The following TXNDC16 variants were observed in gnomAD, a reference collection of about 807,000 sequenced individuals.
The protein encoded by TXNDC16 is thioredoxin domain containing 16.
TXNDC16 carries 74 observed loss-of-function variants against 85.6 expected under a neutral mutation model. The ratio of observed to expected loss-of-function variants is 0.86; its 90% CI spans 0.72 to 1.05. The LOEUF is 1.05. Ranked by LOEUF, TXNDC16 falls within the 50% of genes least tolerant of loss-of-function variation. The pLI is 0.00. For synonymous variants in TXNDC16, 335 were observed against 326.5 expected, an observed-to-expected ratio of 1.03 and a Z score of -0.28; for missense variants, 959 against 947.0, an observed-to-expected ratio of 1.01 and a Z score of -0.17.
At chr14:52,551,986 ATAC>A (rs2038062577) in intron 1 of TXNDC16, among the ~76,000 whole-genome samples, 1 of 152,142 alleles carries the variant, frequency 6.6e-6, no homozygotes, top group African/African-American at 2.4e-5. Context: ...CATCCATCTG[ATAC>A]TACTACTACT....
At chr14:52,547,525 G>GTGT (rs923096312) in intron 1 of TXNDC16, among the ~76,000 whole-genome samples, 5 of 152,170 alleles carry the variant, frequency 3.3e-5, no homozygotes, top group African/African-American at 4.8e-5. Context: ...TGTGTTAGGA[G>GTGT]TGTTGTTGTT....
At chr14:52,477,490 G>A (rs2036045129) in intron 14 of TXNDC16, among the ~76,000 whole-genome samples, 1 of 152,096 alleles carries the variant, frequency 6.6e-6, no homozygotes, top group Non-Finnish European at 1.5e-5. Flanking sequence ...GACATTCCAT[G>A]CAAATGGACA....
intron 12 of TXNDC16, among the ~76,000 whole-genome samples, chr14:52,486,316 C>A (rs973414273): frequency 1.4e-5 from 2 of 139,102 alleles, no homozygotes; most frequent in Non-Finnish European, 3.1e-5. Flanking sequence ...CAGGGTCTCA[C>A]TCTGTTGCCC....
intron 18 of TXNDC16, among the ~76,000 whole-genome samples, chr14:52,446,076 C>T (rs1313939000): frequency 6.6e-6 from 1 of 152,184 alleles, no homozygotes; most frequent in Non-Finnish European, 1.5e-5. Flanking sequence ...CAACTATCTA[C>T]ACAAAAAAGC....
intron 18 of TXNDC16, among the ~76,000 whole-genome samples, chr14:52,450,074 G>A (rs1322922211): frequency 6.6e-6 from 1 of 151,750 alleles, no homozygotes; most frequent in Non-Finnish European, 1.5e-5. Flanking sequence ...CAGAAGAAAA[G>A]AAATAATAAA....
intron 18 of TXNDC16, among the ~76,000 whole-genome samples, chr14:52,451,930 T>C (rs188852099): frequency 2.0e-5 from 3 of 152,238 alleles, no homozygotes; most frequent in South Asian, 2.1e-4. Flanking sequence ...AATCCTATAT[T>C]TGGAAAAACT....
chr14:52,464,209 T>G (rs2035718868), intron 16 of TXNDC16, among the ~76,000 whole-genome samples: 1 of 152,258 alleles, frequency 6.6e-6, no homozygotes, highest in African/African-American at 2.4e-5. Flanking sequence ...AAAAGTTTTC[T>G]CTGTGGATTA....
intron 14 of TXNDC16, among the ~76,000 whole-genome samples, chr14:52,474,483 C>T (rs2035976583): frequency 6.6e-6 from 1 of 152,214 alleles, no homozygotes; most frequent in Non-Finnish European, 1.5e-5. Flanking sequence ...TGGCTCATGC[C>T]TATATTCCCA....
intron 6 of TXNDC16, among the ~76,000 whole-genome samples, chr14:52,528,861 A>ATATAATACCTATTATATATATTATC (rs1297813518): frequency 2.5e-4 from 37 of 145,658 alleles, no homozygotes; most frequent in Non-Finnish European, 4.2e-4. Flanking sequence ...GTGTGTATAT[A>ATATAATACCTATTATATATATTATC]TATAATACCT....
intron 18 of TXNDC16, 93 bp from the exon 19 acceptor site, chr14:52,440,817 T>C: frequency 8.2e-7 from 1 of 1,220,108 alleles, no homozygotes; most frequent in Non-Finnish European, 1.1e-6. Flanking sequence ...TCAATTTTAG[T>C]TTGTAAAATG....
intron 6 of TXNDC16, among the ~76,000 whole-genome samples, chr14:52,536,096 T>C (rs2037694540): frequency 6.6e-6 from 1 of 151,974 alleles, no homozygotes; most frequent in South Asian, 2.1e-4. Flanking sequence ...AATGTTTATG[T>C]CTCCCCAAAA....
chr14:52,530,537 TATA>T lies in TXNDC16; in HGVS notation c.392+6179_392+6181del, dbSNP rs1201947262. Among the ~76,000 whole-genome samples the T allele has an allele frequency of 1.7e-4, 2 of 11,978 alleles. 1 individual carries two copies. The highest frequency in any genetic ancestry group is 2.5e-4 in the Non-Finnish European group (2 of 7,976). 7.9% of individuals were successfully genotyped at this position (11,978 alleles called of 152,430 possible). ...TATTATATAATATTATATATAATAA[TATA>T]ATATATAATTATATAATATTATATA... On this transcript the variant is annotated intron_variant, in intron 6 of 20. Coordinates refer to ENST00000281741, the MANE Select transcript of TXNDC16 (RefSeq NM_020784.3).
rs2036953004 is a variant in TXNDC16, at chr14:52,511,435, T to C, written c.606-45A>G. On this transcript the variant is annotated intron_variant, in intron 8 of 20. Coordinates refer to ENST00000281741, the MANE Select transcript of TXNDC16 (RefSeq NM_020784.3). ...TAACTTAATGAAGTTCAATATGTGA[T>C]CCTTCTACCATCCAATAAGCTGTAA... 3 of 1,293,884 alleles carry C rather than the reference T, an allele frequency of 2.3e-6. No individual in the cohort carries two copies. In the Admixed American group the frequency reaches 6.2e-5, roughly 27 times the overall value. The allele number at this position is 1,293,884 out of a possible 1,614,324, so 80.2% of individuals were successfully genotyped here. A position where few individuals can be genotyped will look rare whatever the true frequency, so the allele number is the denominator to read the frequency against.
intron 16 of TXNDC16, among the ~76,000 whole-genome samples, chr14:52,466,849 A>T (rs943301949): frequency 6.6e-6 from 1 of 152,126 alleles, no homozygotes; most frequent in African/African-American, 2.4e-5. Context: ...CCTGGGTGAC[A>T]GAGCAAGACT....
intron 9 of TXNDC16, among the ~76,000 whole-genome samples, chr14:52,497,325 T>A (rs2036554853): frequency 6.6e-6 from 1 of 152,016 alleles, no homozygotes; most frequent in African/African-American, 2.4e-5. Flanking sequence ...GAAAATTAAA[T>A]CAGTAATCAA....
Position 52,439,116 on chromosome 14 carries a change from A to G in TXNDC16, c.2194+88T>C, listed in dbSNP as rs1013296475. On this transcript the variant is annotated intron_variant, in intron 20 of 20. Transcript: ENST00000281741. ...GATGCTACCAGCATTTTAATAACTC[A>G]TCCTACCATTCTTTAGCTATATTTA... 2.7e-5 allele frequency: 36 copies of G among 1,336,750 alleles called. No homozygotes were observed. In the African/African-American group the frequency reaches 4.4e-4, roughly 16 times the overall value. 82.8% of individuals were successfully genotyped at this position (1,336,750 alleles called of 1,614,324 possible).
intron 16 of TXNDC16, among the ~76,000 whole-genome samples, chr14:52,465,455 G>C (rs977363451): frequency 3.3e-5 from 5 of 152,036 alleles, no homozygotes; most frequent in Non-Finnish European, 5.9e-5. Flanking sequence ...AGCCGGGCTT[G>C]GTGGCGGGCG....
chr14:52,469,318 G>A (rs1321673308), intron 16 of TXNDC16, among the ~76,000 whole-genome samples: 4 of 150,772 alleles, frequency 2.7e-5, no homozygotes, highest in Admixed American at 6.6e-5. Flanking sequence ...TTGCACTCCA[G>A]CCTAGGTGAC....
intron 1 of TXNDC16, among the ~76,000 whole-genome samples, chr14:52,546,897 A>G (rs971351751): frequency 6.6e-6 from 1 of 152,228 alleles, no homozygotes; most frequent in Non-Finnish European, 1.5e-5. Context: ...CAAGTGACCC[A>G]CATTAATAAG....
Sources: allele counts gnomAD v4.1 joint callset (sites outside exome capture counted in the v4.1 genomes callset), GRCh38; gene constraint gnomAD v4.1.1; transcripts MANE v1.5; gene names NCBI Gene and HGNC (gene_info 2026-07-23, HGNC 2026-07-21).